Variants in PTPRS observed in about 807,000 individuals in gnomAD.
PTPRS encodes the protein receptor-type tyrosine-protein phosphatase S.
PTPRS carries 63 observed loss-of-function variants against 215.3 expected under a neutral mutation model. The ratio of observed to expected loss-of-function variants is 0.29; its 90% CI spans 0.24 to 0.36. The LOEUF is 0.36. Among genes scored for constraint, PTPRS ranks in the 10% least tolerant of loss-of-function variants. The pLI is 1.00. For missense variants in PTPRS, 2,258 were observed against 2,825.8 expected (o/e 0.80, Z 4.56); for synonymous variants, 1,404 against 1,191.4 (o/e 1.18, Z -3.68).
intron 13 of PTPRS, among the ~76,000 whole-genome samples, chr19:5,235,349 C>A (rs534583644): frequency 6.6e-6 from 1 of 152,232 alleles, no homozygotes; most frequent in Non-Finnish European, 1.5e-5. Context: ...GCACTCAATA[C>A]CTTATATAAA....
Position 5,225,762 on chromosome 19 carries a change from C to A in PTPRS, c.2459G>T (p.Arg820Leu). The A allele has an allele frequency of 3.1e-6, 5 of 1,614,036 alleles. No homozygotes were observed. Among genetic ancestry groups the A allele is most frequent in the Non-Finnish European group, 4.2e-6 (5 of 1,179,988 alleles). The part of the protein sequence containing the change: ...AAYTMKGDGA[R>L]SKPKVVVTKG... Reference sequence around the variant, plus strand: ...GGTCACAACCACCTTGGGTTTGCTGCGAGCGCCATCGCCCTTCATGGTGTA... The same window carrying A: ...GGTCACAACCACCTTGGGTTTGCTGAGAGCGCCATCGCCCTTCATGGTGTA... The change falls in exon 17 of 38, where the codon CGC (arginine) becomes CTC (leucine). Residue 820 changes from arginine to leucine, a missense_variant. Around this residue, in one of 6 missense-constraint regions of PTPRS, gnomAD observed 371 missense variants for 446.7 expected, o/e 0.83. Transcript: ENST00000262963.
At chr19:5,263,110 TTA>T in intron 5 of PTPRS, 138 bp from the exon 6 acceptor site, 1 of 754,622 alleles carries the variant, frequency 1.3e-6, no homozygotes, top group Non-Finnish European at 2.2e-6. Context: ...ACAACATTTC[TTA>T]TGATTCCTAA....
intron 2 of PTPRS, among the ~76,000 whole-genome samples, chr19:5,275,370 T>G: frequency 6.8e-6 from 1 of 147,508 alleles, no homozygotes; most frequent in Admixed American, 7.0e-5. Flanking sequence ...GCACCCAGCC[T>G]TCTTTTCTTT....
rs930175919 is a variant in PTPRS at position 5,290,401 on chromosome 19, G to A, written c.-94-4167C>T. 9.8e-5 allele frequency among the ~76,000 whole-genome samples: 15 copies of A among 152,356 alleles called. No homozygotes were observed. The East Asian group carries it at 2.7e-3, about 27-fold the overall frequency. On this transcript the variant is annotated intron_variant, in intron 1 of 37. Coordinates refer to ENST00000262963, the MANE Select transcript of PTPRS (RefSeq NM_002850.4). ...CTGGGACTGGTAGAGCCCGCTGGCC[G>A]CCTCTGGGGGCTCCCCCGCGGTGCT...
At chr19:5,331,287 C>T (rs983599913) in intron 1 of PTPRS, among the ~76,000 whole-genome samples, 13 of 149,488 alleles carry the variant, frequency 8.7e-5, no homozygotes, top group Non-Finnish European at 1.5e-5. Context: ...TGCACCCCAA[C>T]CCTCGGCTGA....
At chr19:5,278,077 C>T in intron 2 of PTPRS, 1 of 919,798 alleles carries the variant, frequency 1.1e-6, no homozygotes. Flanking sequence ...GAAAGGGCCG[C>T]CCAGCTGCCG....
chr19:5,300,407 A>G (rs952216102), intron 1 of PTPRS, among the ~76,000 whole-genome samples: 16 of 152,130 alleles, frequency 1.1e-4, no homozygotes. Context: ...TCCCAGCAAC[A>G]AAGGGGCCAG....
chr19:5,233,600 G>A (rs1456446541), intron 13 of PTPRS, among the ~76,000 whole-genome samples: 2 of 151,276 alleles, frequency 1.3e-5, no homozygotes, highest in East Asian at 1.9e-4. Context: ...CCACTTATCA[G>A]GTACCTACTG....
chr19:5,299,601 G>T (rs2049241741), intron 1 of PTPRS, among the ~76,000 whole-genome samples: 1 of 152,222 alleles, frequency 6.6e-6, no homozygotes, highest in South Asian at 2.1e-4. Context: ...GCTGGGTGTG[G>T]TGGCTCACGC....
chr19:5,246,751 G>A (rs1044782470), intron 9 of PTPRS, among the ~76,000 whole-genome samples: 1 of 152,170 alleles, frequency 6.6e-6, no homozygotes, highest in Non-Finnish European at 1.5e-5. Context: ...GGGCCCTCCA[G>A]GAAAAGATGA....
rs541899804 is a variant in PTPRS at position 5,326,834 on chromosome 19, GAGAA to G, written c.-95+13826_-95+13829del. Among the ~76,000 whole-genome samples, 14 of 151,866 alleles carry G rather than the reference GAGAA, an allele frequency of 9.2e-5. No homozygotes were observed. In the South Asian group the frequency reaches 2.9e-3, roughly 32 times the overall value. ...GGATAGAAGTAAAGAAAGAACAAGA[GAGAA>G]AGAAAGAAAAAGGAAGGAAGGAAGG... On this transcript the variant is annotated intron_variant, in intron 1 of 37. Coordinates refer to ENST00000262963, the MANE Select transcript of PTPRS (RefSeq NM_002850.4).
intron 4 of PTPRS, among the ~76,000 whole-genome samples, chr19:5,267,782 A>T (rs1683290232): frequency 6.7e-6 from 1 of 149,678 alleles, no homozygotes; most frequent in Non-Finnish European, 1.5e-5. Flanking sequence ...TGCTGTTAAG[A>T]CCAAGAAATA....
intron 1 of PTPRS, among the ~76,000 whole-genome samples, chr19:5,311,763 G>A (rs945063034): frequency 3.3e-5 from 5 of 152,178 alleles, no homozygotes; most frequent in Admixed American, 6.5e-5. Flanking sequence ...CCCTTGGGCC[G>A]GGTGCGGTGG....
chr19:5,227,833 G>A (rs1329168627), intron 16 of PTPRS, among the ~76,000 whole-genome samples: 1 of 152,102 alleles, frequency 6.6e-6, no homozygotes, highest in South Asian at 2.1e-4. Context: ...GTGAGTGCTC[G>A]TCCAATGAAT....
chr19:5,224,893 G>C (rs1429362522), intron 17 of PTPRS, among the ~76,000 whole-genome samples: 1 of 152,116 alleles, frequency 6.6e-6, no homozygotes, highest in East Asian at 1.9e-4. Flanking sequence ...CAGTGGTGTG[G>C]CTACAAGGGT....
intron 1 of PTPRS, among the ~76,000 whole-genome samples, chr19:5,322,898 A>AAAAAAAAAAAAAAAAAAAAG (rs775619490): frequency 8.3e-6 from 1 of 120,286 alleles, no homozygotes; most frequent in African/African-American, 3.0e-5. Flanking sequence ...AAAAAAAAAA[A>AAAAAAAAAAAAAAAAAAAAG]AAGAAGAAGA....
At chr19:5,246,310 C>G (rs1425352540) in intron 9 of PTPRS, among the ~76,000 whole-genome samples, 1 of 151,734 alleles carries the variant, frequency 6.6e-6, no homozygotes, top group Non-Finnish European at 1.5e-5. Flanking sequence ...ACAAAGAAAC[C>G]AAAACTTCAA....
Position 5,338,779 on chromosome 19 carries a change from G to A in PTPRS, c.-95+1885C>T, listed in dbSNP as rs1345443652. ...CCAAGTCCCTGGGCCATTAATAAAC[G>A]CTCCAGCAGCTGCCGCTGGTATCGC... On this transcript the variant is annotated intron_variant, in intron 1 of 37. Transcript: ENST00000262963. This position sits in a 1 kb window ranked among gnomAD's most constrained non-coding sequence, Gnocchi z 4.2. 6.6e-6 allele frequency among the ~76,000 whole-genome samples: 1 copy of A among 152,158 alleles called. No homozygotes were observed. The highest frequency in any genetic ancestry group is 6.5e-5 in the Admixed American group (1 of 15,280).
intron 9 of PTPRS, among the ~76,000 whole-genome samples, chr19:5,254,300 G>C (rs1370962480): frequency 1.3e-5 from 2 of 152,224 alleles, no homozygotes; most frequent in Non-Finnish European, 2.9e-5. Flanking sequence ...TTTGGAGAAG[G>C]TGAGTGAGGG....
Sources: allele counts gnomAD v4.1 joint callset (sites outside exome capture counted in the v4.1 genomes callset), GRCh38; gene constraint gnomAD v4.1.1; regional missense constraint gnomAD v4.1.1; non-coding constraint Gnocchi (gnomAD v3.1); transcripts MANE v1.5; gene names NCBI Gene and HGNC (gene_info 2026-07-23, HGNC 2026-07-21).